The following NTRK1 variants were observed in gnomAD, a reference collection of about 807,000 sequenced individuals.
NTRK1 encodes high affinity nerve growth factor receptor.
In NTRK1, 62 loss-of-function variants were observed where a neutral mutation model predicts 86.8. The observed-to-expected ratio is 0.71, with a 90% CI of 0.58 to 0.88. The LOEUF (loss-of-function observed/expected upper bound fraction) is 0.88. Among genes scored for constraint, NTRK1 ranks in the 40% least tolerant of loss-of-function variants. NTRK1 has a pLI of 0.00. For synonymous variants in NTRK1, 469 were observed against 456.6 expected (o/e 1.03, Z -0.35); for missense variants, 967 against 1,078.4 (o/e 0.90, Z 1.45).
intron 14 of NTRK1, among the ~76,000 whole-genome samples, chr1:156,877,957 A>G (rs1478570828): frequency 1.3e-5 from 2 of 152,180 alleles, no homozygotes; most frequent in Non-Finnish European, 2.9e-5. Flanking sequence ...CAAGAAGGCC[A>G]GGGAGGAGCC....
chr1:156,845,723 G>T (rs909975822), intron 2 of NTRK1: 3 of 1,613,682 alleles, frequency 1.9e-6, no homozygotes, highest in African/African-American at 1.3e-5. Flanking sequence ...GTGGGTGCTG[G>T]CAAGGGCAGC....
At chr1:156,850,534 CTTTTT>C (rs35237064) in intron 2 of NTRK1, among the ~76,000 whole-genome samples, 1,040 of 58,636 alleles carry the variant, frequency 0.018, 27 homozygotes, top group African/African-American at 0.055. Flanking sequence ...TTAAAACATT[CTTTTT>C]TTTTTTTTTT....
At chr1:156,867,037 T>A in intron 4 of NTRK1, 59 bp downstream of exon 4, 1 of 1,554,558 alleles carries the variant, frequency 6.4e-7, no homozygotes, top group Non-Finnish European at 8.9e-7. Context: ...TGTGTGCACT[T>A]GGGTCTGTTG....
At position 156,876,130 on chromosome 1, in the gene NTRK1, G is replaced by C. The variant is rs748761059; in HGVS notation, c.1552G>C (p.Glu518Gln). 3 of 1,614,184 alleles carry C rather than the reference G, an allele frequency of 1.9e-6. No homozygotes were observed. The Admixed American group carries it at 5.0e-5, about 27-fold the overall frequency. ...RDIVLKWELG[E>Q]GAFGKVFLAE... is the part of the protein sequence containing the mutation. ...CATCGTGCTCAAGTGGGAGCTGGGG[G>C]AGGGCGCCTTTGGGAAGGTCTTCCT... Residue 518 changes from glutamate to glutamine, a missense_variant, in exon 13 of 17, where the codon GAG (glutamate) becomes CAG (glutamine). Around this residue, in one of 2 missense-constraint regions of NTRK1, gnomAD observed 637 missense variants for 776.5 expected, o/e 0.82. Transcript: ENST00000524377.
intron 2 of NTRK1, chr1:156,846,543 C>A: frequency 6.2e-7 from 1 of 1,614,104 alleles, no homozygotes; most frequent in Non-Finnish European, 8.5e-7. Context: ...CGGAGGTAGA[C>A]GATGGGACTC....
intron 3 of NTRK1, chr1:156,865,021 C>T: frequency 1.6e-6 from 1 of 618,778 alleles, no homozygotes; most frequent in Non-Finnish European, 2.9e-6. Flanking sequence ...CTTCCATGGT[C>T]CATGCTGCAA....
At chr1:156,850,596 C>G (rs1571668257) in intron 2 of NTRK1, among the ~76,000 whole-genome samples, 1 of 137,506 alleles carries the variant, frequency 7.3e-6, no homozygotes, top group Non-Finnish European at 1.5e-5. Context: ...AACTCAGGCC[C>G]TAGGCTGGAG....
At chr1:156,841,956 C>T (rs970859133) in intron 1 of NTRK1, 4 of 1,552,014 alleles carry the variant, frequency 2.6e-6, no homozygotes, top group Non-Finnish European at 3.5e-6. Context: ...ATCCAAACCC[C>T]TCTGCCCTTG....
At chr1:156,830,192 C>A (rs542027123) in intron 1 of NTRK1, among the ~76,000 whole-genome samples, 77 of 152,328 alleles carry the variant, frequency 5.1e-4, no homozygotes, top group African/African-American at 1.7e-3. Context: ...GTGATCACTG[C>A]AATAGAAGTG....
chr1:156,829,399 AACT>A (rs1409407570), intron 1 of NTRK1, among the ~76,000 whole-genome samples: 1 of 152,064 alleles, frequency 6.6e-6, no homozygotes, highest in Non-Finnish European at 1.5e-5. Flanking sequence ...GATGGGGAGG[AACT>A]AAAAAGGCAG....
chr1:156,868,782 A>T (rs1647339498), intron 6 of NTRK1, 135 bp downstream of exon 6: 1 of 1,378,268 alleles, frequency 7.3e-7, no homozygotes, highest in Non-Finnish European at 9.9e-7. Flanking sequence ...ACGGACAGAG[A>T]TGGTTTAGAC....
rs1655363579 is a variant in NTRK1, at chr1:156,855,176, T to TTATCTATCTATATATC, written c.51-9167_51-9166insATATCTATCTATCTAT. Among the ~76,000 whole-genome samples the TTATCTATCTATATATC allele has an allele frequency of 2.1e-5, 3 of 143,462 alleles. No individual in the cohort carries two copies. The South Asian group carries it at 7.1e-4, about 34-fold the overall frequency. The allele number at this position is 143,462 out of a possible 152,430, so 94.1% of individuals were successfully genotyped here. ...TGAGGCCTTCTCTGACCATCCAATT[T>TTATCTATCTATATATC]TATCTATCTATCTATCTATCTATCT... On this transcript the variant is annotated intron_variant, in intron 2 of 16. Transcript: ENST00000392302.
intron 2 of NTRK1, chr1:156,842,198 G>A (rs1558083571): frequency 6.2e-7 from 1 of 1,614,050 alleles, no homozygotes; most frequent in East Asian, 2.2e-5. Flanking sequence ...AGCAAGGTAG[G>A]CCATGCCGTC....
intron 7 of NTRK1, among the ~76,000 whole-genome samples, chr1:156,872,491 T>G (rs1647618730): frequency 6.6e-6 from 1 of 152,084 alleles, no homozygotes; most frequent in Non-Finnish European, 1.5e-5. Flanking sequence ...TTTCTTTCAT[T>G]CAACATTATA....
chr1:156,878,986 C>T, intron 14 of NTRK1, 136 bp from the exon 15 acceptor site: 1 of 1,021,394 alleles, frequency 9.8e-7, no homozygotes, highest in Non-Finnish European at 1.4e-6. Context: ...ACAGCTGCCT[C>T]TACTGTTCTC....
intron 3 of NTRK1, among the ~76,000 whole-genome samples, chr1:156,866,508 C>A (rs998353314): frequency 2.6e-5 from 4 of 152,144 alleles, no homozygotes; most frequent in Non-Finnish European, 1.5e-5. Flanking sequence ...GCAGCCTCAA[C>A]CCTCCCCCTC....
At chr1:156,868,453 G>A in intron 5 of NTRK1, 52 bp from the exon 6 acceptor site, 1 of 1,550,338 alleles carries the variant, frequency 6.5e-7, no homozygotes, top group Non-Finnish European at 8.7e-7. Context: ...AGAGTTCTGG[G>A]GCCACTCCCA....
chr1:156,864,639 A>T (rs1655839054), intron 2 of NTRK1, 89 bp from the exon 3 acceptor site: 2 of 1,411,872 alleles, frequency 1.4e-6, no homozygotes, highest in Admixed American at 3.6e-5. Flanking sequence ...GGTTCAGCAC[A>T]GGGGACTGGG....
intron 13 of NTRK1, 39 bp from the exon 14 acceptor site, chr1:156,876,361 G>C (rs763331835): frequency 1.2e-6 from 2 of 1,612,874 alleles, no homozygotes; most frequent in Non-Finnish European, 1.7e-6. Flanking sequence ...GTGAGGGCTC[G>C]GCCCCCAACT....
Sources: gnomAD v4.1 joint callset for allele counts (sites outside exome capture counted in the v4.1 genomes callset) on GRCh38, gnomAD v4.1.1 for gene constraint, gnomAD v4.1.1 regional missense constraint, MANE v1.5 for transcripts, NCBI Gene and HGNC (gene_info 2026-07-23, HGNC 2026-07-21) for gene names.